MYCBP2: variants seen among roughly 807,000 people sequenced by gnomAD.
MYCBP2 encodes the protein MYC binding protein 2, also known as E3 ubiquitin-protein ligase MYCBP2.
In MYCBP2, 120 loss-of-function variants were observed where a neutral mutation model predicts 525.3. The ratio of observed to expected loss-of-function variants is 0.23; its 90% CI spans 0.20 to 0.27. The LOEUF (loss-of-function observed/expected upper bound fraction) is 0.27. MYCBP2 is among the 10% of genes least tolerant of loss of function. MYCBP2 has a pLI of 1.00. For synonymous variants in MYCBP2, 1,894 were observed against 1,955.8 expected (o/e 0.97, Z 0.83); for missense variants, 4,149 against 5,657.1 (o/e 0.73, Z 8.55).
chr13:77,065,700 T>C (rs1322707986), intron 72 of MYCBP2, among the ~76,000 whole-genome samples: 1 of 152,248 alleles, frequency 6.6e-6, no homozygotes, highest in Admixed American at 6.5e-5. Flanking sequence ...TTTAGGTTTT[T>C]TGAATCAAGT....
chr13:77,208,856 G>A (rs915824401), intron 23 of MYCBP2, among the ~76,000 whole-genome samples: 2 of 152,160 alleles, frequency 1.3e-5, no homozygotes, highest in Non-Finnish European at 2.9e-5. Flanking sequence ...TAAAACAGGT[G>A]TTCTTAACAT....
chr13:77,254,836 T>C (rs573908758), intron 14 of MYCBP2, among the ~76,000 whole-genome samples: 25 of 151,572 alleles, frequency 1.6e-4, no homozygotes, highest in Non-Finnish European at 3.4e-4. Context: ...TTAGTTCCCA[T>C]ATATGAGTGA....
In MYCBP2 at chr13:77,206,704, T is replaced by C; in HGVS notation, c.3538A>G (p.Thr1180Ala). 5.0e-6 allele frequency: 8 copies of C among 1,610,788 alleles called. No individual in the cohort carries two copies. The highest frequency in any genetic ancestry group is 6.8e-6 in the Non-Finnish European group (8 of 1,178,258). The change falls in exon 24 of 83, where the codon ACA (threonine) becomes GCA (alanine). Residue 1180 changes from threonine (T) to alanine (A), a missense_variant. By Grantham distance (58) the Thr-to-Ala change is moderately conservative. Coordinates refer to ENST00000544440, the MANE Select transcript of MYCBP2 (RefSeq NM_015057.5). ...SILSPELALP[T>A]GSRALTTRSH... ...CGGGTAGTGAGGGCCCTTGATCCTG[T>C]TGGTAAGGCAAGTTCAGGACTTAGG... is the stretch of plus-strand genomic sequence containing the variant.
Position 77,270,012 on chromosome 13 carries a change from A to T in MYCBP2, c.1240T>A (p.Ser414Thr). The T allele has an allele frequency of 6.2e-7, 1 of 1,612,218 alleles. No individual in the cohort carries two copies. Among genetic ancestry groups the T allele is most frequent in the Non-Finnish European group, 8.5e-7 (1 of 1,179,444 alleles). ...SRIRNRKEKK[S>T]WLGYAQGYLL... is the part of the protein sequence containing the mutation. ...CTTACCTGAGCATACCCTAACCAAG[A>T]CTTTTTTTCTTTTCTGTTTCTAATA... The change falls in exon 7 of 83, where the codon TCT becomes ACT. Residue 414 changes from serine to threonine, a missense_variant. Transcript: ENST00000544440.
chr13:77,191,889 T>C (rs2061333788), intron 27 of MYCBP2, 76 bp from the exon 28 acceptor site: 2 of 1,421,228 alleles, frequency 1.4e-6, no homozygotes, highest in African/African-American at 1.4e-5. Context: ...TCAAAATCCC[T>C]TGTGAACAAA....
Position 77,287,094 on chromosome 13 carries a change from A to T in MYCBP2, c.594+1067T>A, listed in dbSNP as rs1594674005. Among the ~76,000 whole-genome samples, 3 of 150,502 alleles carry T rather than the reference A, an allele frequency of 2.0e-5. No individual in the cohort carries two copies. In the East Asian group the frequency reaches 6.0e-4, roughly 30 times the overall value. The stretch of plus-strand genomic sequence containing the variant: ...AGTACAGACGGGGTTTCACCGTGTT[A>T]GCCAGGATGGTCTCGATCTCCTGAC... On this transcript the variant is annotated intron_variant, in intron 3 of 82. Coordinates refer to ENST00000544440, the MANE Select transcript of MYCBP2 (RefSeq NM_015057.5).
chr13:77,144,091 C>A, intron 49 of MYCBP2: 1 of 254,872 alleles, frequency 3.9e-6, no homozygotes, highest in South Asian at 6.1e-5. Flanking sequence ...CTGAGCTACA[C>A]TGGAAGATCC....
At chr13:77,114,994 A>G (rs901117164) in intron 55 of MYCBP2, among the ~76,000 whole-genome samples, 4 of 151,976 alleles carry the variant, frequency 2.6e-5, no homozygotes, top group African/African-American at 9.7e-5. Flanking sequence ...ATAAACCCAC[A>G]ATTATCATAC....
intron 26 of MYCBP2, among the ~76,000 whole-genome samples, chr13:77,200,244 T>G (rs1239484494): frequency 6.6e-6 from 1 of 152,070 alleles, no homozygotes; most frequent in Non-Finnish European, 1.5e-5. Context: ...ACGTGAAGAA[T>G]GCAGAAGCCT....
chr13:77,090,875 T>A (rs1290553559), intron 59 of MYCBP2, among the ~76,000 whole-genome samples: 1 of 152,182 alleles, frequency 6.6e-6, no homozygotes, highest in African/African-American at 2.4e-5. Context: ...CTTTTCTATT[T>A]ATTAAAGCAA....
chr13:77,158,125 G>T lies in MYCBP2; in HGVS notation c.6598-16C>A. On this transcript the variant is annotated splice_polypyrimidine_tract_variant and intron_variant, in intron 44 of 82. Coordinates refer to ENST00000544440, the MANE Select transcript of MYCBP2 (RefSeq NM_015057.5). ...TTTTGCACACCTGTTAAGTAAAAAA[G>T]AATATTTATATATTCTTAAAAATAA... 3.3e-6 allele frequency: 5 copies of T among 1,498,384 alleles called. No homozygotes were observed. Among genetic ancestry groups the T allele is most frequent in the Middle Eastern group, 1.8e-4 (1 of 5,608 alleles). The allele number at this position is 1,498,384 out of a possible 1,614,324, so 92.8% of individuals were successfully genotyped here.
chr13:77,195,690 C>A (rs1452741430), intron 26 of MYCBP2, among the ~76,000 whole-genome samples: 1 of 152,160 alleles, frequency 6.6e-6, no homozygotes, highest in Non-Finnish European at 1.5e-5. Flanking sequence ...CAACCATATT[C>A]CCTATTGCTG....
chr13:77,242,998 G>T, intron 17 of MYCBP2, 61 bp downstream of exon 17: 2 of 1,401,136 alleles, frequency 1.4e-6, no homozygotes, highest in Non-Finnish European at 2.0e-6. Context: ...CTTTTCAGTG[G>T]TTTCAGGATA....
chr13:77,265,123 T>C (rs941991388), intron 8 of MYCBP2, among the ~76,000 whole-genome samples: 6 of 152,030 alleles, frequency 3.9e-5, no homozygotes, highest in Non-Finnish European at 7.4e-5. Context: ...GGCAGACCCT[T>C]ACCAAATAGA....
At chr13:77,188,670 T>C (rs2154255434) in intron 30 of MYCBP2, among the ~76,000 whole-genome samples, 1 of 152,350 alleles carries the variant, frequency 6.6e-6, no homozygotes, top group Admixed American at 6.5e-5. Flanking sequence ...ATTCAGCATA[T>C]GCATTCATAT....
Position 77,158,116 on chromosome 13 carries a change from A to T in MYCBP2, c.6598-7T>A. 6.5e-7 allele frequency: 1 copy of T among 1,530,152 alleles called. No homozygotes were observed. The highest frequency in any genetic ancestry group is 8.8e-7 in the Non-Finnish European group (1 of 1,142,410). The allele number at this position is 1,530,152 out of a possible 1,614,324, so 94.8% of individuals were successfully genotyped here. On this transcript the variant is annotated splice_polypyrimidine_tract_variant and splice_region_variant and intron_variant, in intron 44 of 82. Transcript: ENST00000544440. The stretch of plus-strand genomic sequence containing the variant: ...CAGAATGGGTTTTGCACACCTGTTA[A>T]GTAAAAAAGAATATTTATATATTCT...
intron 55 of MYCBP2, chr13:77,110,038 C>T (rs2048535481): frequency 6.6e-6 from 1 of 152,124 alleles, no homozygotes; most frequent in African/African-American, 2.4e-5. Context: ...AACATGAAAT[C>T]AGTGCACCTT....
At chr13:77,272,475 T>C (rs1348401907) in intron 5 of MYCBP2, 3 of 152,236 alleles carry the variant, frequency 2.0e-5, no homozygotes, top group Non-Finnish European at 4.4e-5. Context: ...ATCTGGTATA[T>C]GGTATCTGAA....
intron 8 of MYCBP2, among the ~76,000 whole-genome samples, chr13:77,264,540 T>A (rs1272321547): frequency 2.0e-5 from 3 of 152,180 alleles, no homozygotes; most frequent in Non-Finnish European, 4.4e-5. Flanking sequence ...TAGCATTTAG[T>A]GTGCTCTAAA....
Sources: gnomAD v4.1 joint callset for allele counts (sites outside exome capture counted in the v4.1 genomes callset) on GRCh38, gnomAD v4.1.1 for gene constraint, MANE v1.5 for transcripts, NCBI Gene and HGNC (gene_info 2026-07-23, HGNC 2026-07-21) for gene names.